Variants in RFX2 observed in about 807,000 individuals in gnomAD.
RFX2 encodes DNA-binding protein RFX2.
RFX2 carries 20 observed loss-of-function variants against 87.8 expected under a neutral mutation model. That is an observed-to-expected ratio of 0.23 (90% CI 0.16 to 0.33). RFX2 has a LOEUF of 0.33. Ranked by LOEUF, RFX2 falls within the 10% of genes least tolerant of loss-of-function variation. The pLI is 1.00. For missense variants in RFX2, 767 were observed against 1,012.3 expected (o/e 0.76, Z 3.29); for synonymous variants, 397 against 431.3 (o/e 0.92, Z 0.98).
rs1448109578 is a variant in RFX2, at chr19:6,013,564, CTCACTATCAGGAGG to C, written c.780-473_780-460del. ...CTGGAGTGCAGTTGTGCAATCACAG[CTCACTATCAGGAGG>C]TCACTACCAGGAGGTCACTATCACT... is the stretch of plus-strand genomic sequence containing the variant. On this transcript the variant is annotated intron_variant, in intron 7 of 17. Transcript: ENST00000303657. The surrounding 1 kb of genome is among the most constrained non-coding windows in gnomAD (Gnocchi z 4.1). Among the ~76,000 whole-genome samples the C allele has an allele frequency of 1.3e-5, 2 of 151,340 alleles. No individual in the cohort carries two copies. Among genetic ancestry groups the C allele is most frequent in the African/African-American group, 4.9e-5 (2 of 41,016 alleles).
chr19:6,072,771 C>G, intron 1 of RFX2: 1 of 667,360 alleles, frequency 1.5e-6, no homozygotes. Flanking sequence ...AAAAAGGCCC[C>G]TCTCTCTTCA....
chr19:6,043,887 GT>G (rs1284276940), intron 3 of RFX2, among the ~76,000 whole-genome samples: 1 of 152,206 alleles, frequency 6.6e-6, no homozygotes, highest in Non-Finnish European at 1.5e-5. Context: ...AGAGCCCTTT[GT>G]TTCTGTCTGC....
Position 6,026,434 on chromosome 19 carries a change from G to A in RFX2, c.523-197C>T, listed in dbSNP as rs2086889510. 3.3e-6 allele frequency: 2 copies of A among 600,492 alleles called. No individual in the cohort carries two copies. The highest frequency in any genetic ancestry group is 5.6e-5 in the East Asian group (2 of 35,990). The allele number at this position is 600,492 out of a possible 1,614,324, so 37.2% of individuals were successfully genotyped here. A position where few individuals can be genotyped will look rare whatever the true frequency, so the allele number is the denominator to read the frequency against. ...GTGCATGAAAGCTGCGGTAGGGAGT[G>A]TTGCTTCGCACACGTAGGTAAGCCC... On this transcript the variant is annotated intron_variant, in intron 5 of 17. Coordinates refer to ENST00000303657, the MANE Select transcript of RFX2 (RefSeq NM_000635.4). The surrounding 1 kb of genome is among the most constrained non-coding windows in gnomAD (Gnocchi z 4.5).
At chr19:6,037,339 A>T (rs1009793116) in intron 5 of RFX2, among the ~76,000 whole-genome samples, 2 of 152,130 alleles carry the variant, frequency 1.3e-5, no homozygotes, top group African/African-American at 2.4e-5. Flanking sequence ...TACAAGATAA[A>T]GAGCCAAAAA....
intron 5 of RFX2, among the ~76,000 whole-genome samples, chr19:6,032,303 T>C (rs2086963478): frequency 6.6e-6 from 1 of 152,012 alleles, no homozygotes; most frequent in East Asian, 1.9e-4. Flanking sequence ...TTTGTTGTTG[T>C]TGTATTTTAG....
At chr19:6,057,416 G>A (rs1251457493) in intron 1 of RFX2, 1 of 152,644 alleles carries the variant, frequency 6.6e-6, no homozygotes, top group Non-Finnish European at 1.5e-5. Flanking sequence ...GCCCGTTCCT[G>A]GCTGAGCCGC....
At chr19:6,014,333 TCAAGA>T (rs2086696936) in intron 7 of RFX2, among the ~76,000 whole-genome samples, 1 of 152,162 alleles carries the variant, frequency 6.6e-6, no homozygotes, top group East Asian at 1.9e-4. Flanking sequence ...TCTCCCAGGT[TCAAGA>T]AATTCTCCAG....
At position 6,100,939 on chromosome 19, in the gene RFX2, A is replaced by G. The variant is rs946097882; in HGVS notation, c.-9+9454T>C. ...TAATTTTTACTCACCCGCGTCTGTC[A>G]TTTTAAAGGTCTGCAGTAAAAATAC... is the stretch of plus-strand genomic sequence containing the variant. On this transcript the variant is annotated intron_variant, in intron 1 of 17. Transcript: ENST00000303657. Among the ~76,000 whole-genome samples, 58 of 151,586 alleles carry G rather than the reference A, an allele frequency of 3.8e-4. 1 individual carries two copies. The highest frequency in any genetic ancestry group is 5.9e-5 in the Non-Finnish European group (4 of 67,994).
intron 5 of RFX2, among the ~76,000 whole-genome samples, chr19:6,033,053 G>A (rs981570287): frequency 6.6e-6 from 1 of 152,186 alleles, no homozygotes; most frequent in African/African-American, 2.4e-5. Flanking sequence ...ACCTCCCAAA[G>A]TGCTGGGATG....
rs1002532850 is a variant in RFX2 at position 6,061,116 on chromosome 19, C to T, written c.-8-13612G>A. 2.6e-5 allele frequency among the ~76,000 whole-genome samples: 4 copies of T among 152,152 alleles called. No individual in the cohort carries two copies. The highest frequency in any genetic ancestry group is 5.9e-5 in the Non-Finnish European group (4 of 67,998). ...CTCAGCCTGCTGTCTCCACCTGATACCATCTCTGCCTCCCCCTTCCTTCCG... is the reference window on the plus strand; with the variant it reads ...CTCAGCCTGCTGTCTCCACCTGATATCATCTCTGCCTCCCCCTTCCTTCCG... On this transcript the variant is annotated intron_variant, in intron 1 of 17. Transcript: ENST00000303657. The surrounding 1 kb of genome is among the most constrained non-coding windows in gnomAD (Gnocchi z 5.2).
At chr19:6,104,885 C>T (rs777038266) in intron 1 of RFX2, among the ~76,000 whole-genome samples, 17 of 151,358 alleles carry the variant, frequency 1.1e-4, no homozygotes, top group East Asian at 1.9e-4. Flanking sequence ...TTTGGGAGGC[C>T]GAGGTGGGCA....
chr19:6,028,701 C>T (rs2086919485), intron 5 of RFX2, among the ~76,000 whole-genome samples: 1 of 151,500 alleles, frequency 6.6e-6, no homozygotes, highest in Admixed American at 6.6e-5. Flanking sequence ...CAGGTGAACC[C>T]TTAATTAAAA....
chr19:6,007,132 C>A lies in RFX2; in HGVS notation c.1282G>T (p.Asp428Tyr). ...EDPEGAVLPK[D>Y]KLISLCQCDP... Reference sequence around the variant, plus strand: ...CACTGACACAGGGAGATAAGCTTGTCCTTGGGCAGGACGGCGCCCTCGGGG... The same window carrying A: ...CACTGACACAGGGAGATAAGCTTGTACTTGGGCAGGACGGCGCCCTCGGGG... The change falls in exon 12 of 18, where the codon GAC (aspartate) becomes TAC (tyrosine). Residue 428 changes from aspartate (D) to tyrosine (Y), a missense_variant. Asp to Tyr is a radical substitution (Grantham distance 160, BLOSUM62 -3). Transcript: ENST00000303657. The surrounding 1 kb of genome is among the most constrained non-coding windows in gnomAD (Gnocchi z 8.2). 1 of 1,614,104 alleles carries A rather than the reference C, an allele frequency of 6.2e-7. No homozygotes were observed.
intron 12 of RFX2, 100 bp downstream of exon 12, chr19:6,006,912 A>T: frequency 7.1e-7 from 1 of 1,403,718 alleles, no homozygotes; most frequent in Non-Finnish European, 9.8e-7. Context: ...TTTCTGTGAA[A>T]GCGATGGTCT....
At position 6,002,105 on chromosome 19, in the gene RFX2, C is replaced by T. The variant is rs577373990; in HGVS notation, c.1651-82G>A. The T allele has an allele frequency of 2.3e-5, 29 of 1,250,314 alleles. No individual in the cohort carries two copies. The East Asian group carries it at 5.4e-4, about 23-fold the overall frequency. The allele number at this position is 1,250,314 out of a possible 1,614,324, so 77.5% of individuals were successfully genotyped here. On this transcript the variant is annotated intron_variant, in intron 14 of 17. Coordinates refer to ENST00000303657, the MANE Select transcript of RFX2 (RefSeq NM_000635.4). The surrounding 1 kb of genome is among the most constrained non-coding windows in gnomAD (Gnocchi z 6.7). ...TCCCTGGACCTAGCCATGCTCAGGGCGGGACATCGTGCTGTGCTTGAGCCT... is the reference window on the plus strand; with the variant it reads ...TCCCTGGACCTAGCCATGCTCAGGGTGGGACATCGTGCTGTGCTTGAGCCT...
At chr19:6,060,957 G>A (rs920909620) in intron 1 of RFX2, among the ~76,000 whole-genome samples, 16 of 151,934 alleles carry the variant, frequency 1.1e-4, no homozygotes, top group Non-Finnish European at 1.6e-4. Context: ...CTGCCTGGGC[G>A]CCCCTCAGGT....
In RFX2 at chr19:5,994,966, T is replaced by C; in HGVS notation, c.2057-16A>G. On this transcript the variant is annotated splice_polypyrimidine_tract_variant and intron_variant, in intron 17 of 17. Coordinates refer to ENST00000303657, the MANE Select transcript of RFX2 (RefSeq NM_000635.4). Reference sequence around the variant, plus strand: ...CCCATGTCATCTGCGGAGGGAGGGGTAGGGTCAGTGTCCATCATCAGGAGG... The same window carrying C: ...CCCATGTCATCTGCGGAGGGAGGGGCAGGGTCAGTGTCCATCATCAGGAGG... The C allele has an allele frequency of 6.3e-7, 1 of 1,588,070 alleles. No individual in the cohort carries two copies. Among genetic ancestry groups the C allele is most frequent in the Non-Finnish European group, 8.6e-7 (1 of 1,166,648 alleles).
intron 5 of RFX2, among the ~76,000 whole-genome samples, chr19:6,029,323 C>T (rs1358309588): frequency 4.0e-5 from 6 of 149,808 alleles, no homozygotes; most frequent in Admixed American, 2.7e-4. Flanking sequence ...CTGAGAAAAT[C>T]GAGCCACTGG....
chr19:6,107,986 GTTATTGAGGTAA>G (rs1302521340), intron 1 of RFX2, among the ~76,000 whole-genome samples: 2 of 152,194 alleles, frequency 1.3e-5, no homozygotes, highest in Non-Finnish European at 2.9e-5. Flanking sequence ...AACTTGTCCT[GTTATTGAGGTAA>G]TAACTGTCTC....
Sources: allele counts gnomAD v4.1 joint callset (sites outside exome capture counted in the v4.1 genomes callset), GRCh38; gene constraint gnomAD v4.1.1; non-coding constraint Gnocchi (gnomAD v3.1); transcripts MANE v1.5; gene names NCBI Gene and HGNC (gene_info 2026-07-23, HGNC 2026-07-21).